The following CLEC12A variants were observed in gnomAD, a reference collection of about 807,000 sequenced individuals.
CLEC12A encodes C-type lectin domain family 12 member A, also known as C-type lectin protein CLL-1.
CLEC12A carries 22 observed loss-of-function variants against 26.5 expected under a neutral mutation model. The ratio of observed to expected loss-of-function variants is 0.83; its 90% CI spans 0.59 to 1.19. The LOEUF (loss-of-function observed/expected upper bound fraction) is 1.19. Among genes scored for constraint, CLEC12A ranks in the 50% most tolerant of loss-of-function variants. The probability of loss-of-function intolerance (pLI) is 0.00; values close to 1 mark genes in which losing one functional copy is unlikely to be tolerated. For synonymous variants in CLEC12A, 119 were observed against 101.9 expected (o/e 1.17, Z -1.01); for missense variants, 353 against 315.6 (o/e 1.12, Z -0.90).
At position 9,980,699 on chromosome 12, in the gene CLEC12A, C is replaced by T; in HGVS notation, c.497C>T (p.Ala166Val). 1 of 1,613,558 alleles carries T rather than the reference C, an allele frequency of 6.2e-7. No homozygotes were observed. Among genetic ancestry groups the T allele is most frequent in the Non-Finnish European group, 8.5e-7 (1 of 1,179,738 alleles). ...ESKMACAAQN[A>V]SLLKINNKNA... ...AAAATGGCCTGTGCTGCTCAGAATG[C>T]CAGCCTGTTGAAGATAAACAACAAA... The change falls in exon 4 of 6, where the codon GCC becomes GTC. Residue 166 changes from alanine to valine, a missense_variant. Ala to Val is a moderately conservative substitution (Grantham distance 64, BLOSUM62 0). Transcript: ENST00000304361.
intron 4 of CLEC12A, chr12:9,994,940 T>C (rs1864998634): frequency 7.3e-7 from 1 of 1,375,444 alleles, no homozygotes; most frequent in Non-Finnish European, 9.7e-7. Context: ...AGGTGGATTG[T>C]GGCTTAGATA....
intron 1 of CLEC12A, among the ~76,000 whole-genome samples, chr12:9,963,786 G>A (rs1478728609): frequency 6.6e-6 from 1 of 152,164 alleles, no homozygotes; most frequent in Non-Finnish European, 1.5e-5. Context: ...ATGAGAAGGA[G>A]TGCTGAAAGG....
At chr12:9,984,066 G>C (rs774896148) in intron 5 of CLEC12A, 6 of 307,072 alleles carry the variant, frequency 2.0e-5, no homozygotes. Context: ...TTATCAAAAA[G>C]AAAACTGAAA....
chr12:9,955,000 GATAA>G (rs1438975470), intron 1 of CLEC12A, among the ~76,000 whole-genome samples: 2 of 152,176 alleles, frequency 1.3e-5, no homozygotes, highest in African/African-American at 2.4e-5. Context: ...GTGATTTTTT[GATAA>G]ATAAGACTAA....
the CLEC12A span, among the ~76,000 whole-genome samples, chr12:10,004,121 G>C: frequency 6.6e-6 from 1 of 152,188 alleles, no homozygotes; most frequent in Non-Finnish European, 1.5e-5. Context: ...AGGTGCAGGA[G>C]TTGGGGTGAG....
chr12:9,985,488 A>G lies in CLEC12A; in HGVS notation c.*462A>G, dbSNP rs1341702751. 2.5e-6 allele frequency: 1 copy of G among 398,874 alleles called. No individual in the cohort carries two copies. Among genetic ancestry groups the G allele is most frequent in the Admixed American group, 4.4e-5 (1 of 22,754 alleles). The allele number at this position is 398,874 out of a possible 1,614,324, so 24.7% of individuals were successfully genotyped here. A position where few individuals can be genotyped will look rare whatever the true frequency, so the allele number is the denominator to read the frequency against. On this transcript the variant is annotated 3_prime_UTR_variant, in exon 6 of 6. Coordinates refer to ENST00000304361, the MANE Select transcript of CLEC12A (RefSeq NM_138337.6). ...AGGCCTTATGAGTCAAAGGACTTAT[A>G]GCCAATTGATTGTTCTAGGCCAGGT...
chr12:9,995,879 T>G (rs1378903236), downstream of CLEC12A, among the ~76,000 whole-genome samples: 4 of 152,208 alleles, frequency 2.6e-5, no homozygotes, highest in Admixed American at 2.6e-4. Flanking sequence ...AATATACTCT[T>G]GTCGAGGTTA....
chr12:9,961,400 T>G (rs1863827324), intron 1 of CLEC12A, among the ~76,000 whole-genome samples: 1 of 152,228 alleles, frequency 6.6e-6, no homozygotes, highest in African/African-American at 2.4e-5. Flanking sequence ...CCCACACAGC[T>G]ACATTTCTGC....
chr12:10,005,738 T>C, the CLEC12A span, among the ~76,000 whole-genome samples: 1 of 152,262 alleles, frequency 6.6e-6, no homozygotes, highest in Admixed American at 6.5e-5. Flanking sequence ...CATTTCAAAA[T>C]AAATTCCATC....
At chr12:9,965,691 G>T (rs1014236589) in intron 1 of CLEC12A, among the ~76,000 whole-genome samples, 1 of 152,058 alleles carries the variant, frequency 6.6e-6, no homozygotes, top group Non-Finnish European at 1.5e-5. Flanking sequence ...TGTAAGCCTT[G>T]TCTGGTTTTA....
At chr12:10,000,847 CCT>C in the CLEC12A span, among the ~76,000 whole-genome samples, 13 of 152,318 alleles carry the variant, frequency 8.5e-5, no homozygotes, top group South Asian at 1.5e-3. Context: ...CACAGTAACC[CCT>C]GTCTTTCACG....
chr12:9,963,201 T>C (rs564599348), intron 1 of CLEC12A, among the ~76,000 whole-genome samples: 9 of 151,936 alleles, frequency 5.9e-5, no homozygotes, highest in Non-Finnish European at 1.2e-4. Flanking sequence ...AATTAGAGAG[T>C]GTCCAAGGGG....
At chr12:9,968,823 T>G (rs1187885072), upstream of CLEC12A, among the ~76,000 whole-genome samples, 1 of 152,250 alleles carries the variant, frequency 6.6e-6, no homozygotes, top group Non-Finnish European at 1.5e-5. Context: ...TGATATAGGT[T>G]GATTTCATAT....
At chr12:9,955,260 G>A (rs1006548436) in intron 1 of CLEC12A, among the ~76,000 whole-genome samples, 5 of 151,954 alleles carry the variant, frequency 3.3e-5, no homozygotes, top group African/African-American at 9.7e-5. Flanking sequence ...CTAATTTTTT[G>A]TATTTTTTAG....
chr12:9,993,343 T>TCAAACTACTATACG, intron 4 of CLEC12A: 1 of 1,424,474 alleles, frequency 7.0e-7, no homozygotes, highest in Non-Finnish European at 9.7e-7. Flanking sequence ...CAATCAGTAA[T>TCAAACTACTATACG]CAGACTCTGC....
chr12:9,968,784 G>T (rs1283622113), upstream of CLEC12A, among the ~76,000 whole-genome samples: 1 of 152,128 alleles, frequency 6.6e-6, no homozygotes, highest in Non-Finnish European at 1.5e-5. Flanking sequence ...TTTGCAGATT[G>T]TCTCTTAGTA....
At chr12:9,970,720 A>G (rs1183864948), upstream of CLEC12A, among the ~76,000 whole-genome samples, 8 of 152,142 alleles carry the variant, frequency 5.3e-5, no homozygotes, top group South Asian at 1.7e-3. Flanking sequence ...AGCAAGGCTG[A>G]TTATAGTTTT....
intron 5 of CLEC12A, 94 bp from the exon 6 acceptor site, chr12:9,984,776 G>A (rs573477257): frequency 1.7e-6 from 2 of 1,147,498 alleles, no homozygotes; most frequent in Non-Finnish European, 2.3e-6. Context: ...AGAGTCTAGG[G>A]CAATAATATC....
At chr12:9,998,297 C>A (rs1865100451), downstream of CLEC12A, 20 of 1,613,850 alleles carry the variant, frequency 1.2e-5, no homozygotes, top group Non-Finnish European at 1.6e-5. Flanking sequence ...ATCCCCAGAG[C>A]CACCAGCCCG....
Sources: gnomAD v4.1 joint callset for allele counts (sites outside exome capture counted in the v4.1 genomes callset) on GRCh38, gnomAD v4.1.1 for gene constraint, MANE v1.5 for transcripts, NCBI Gene and HGNC (gene_info 2026-07-23, HGNC 2026-07-21) for gene names.